Variants in USP33 observed in about 807,000 individuals in gnomAD.
USP33 encodes ubiquitin specific peptidase 33.
USP33 carries 46 observed loss-of-function variants against 124.2 expected under a neutral mutation model. The ratio of observed to expected loss-of-function variants is 0.37; its 90% CI spans 0.29 to 0.47. The LOEUF is 0.47. USP33 is among the 20% of genes least tolerant of loss of function. The pLI is 0.99. For missense variants in USP33, 851 were observed against 1,070.6 expected (o/e 0.79, Z 2.86); for synonymous variants, 350 against 352.3 (o/e 0.99, Z 0.07).
intron 20 of USP33, 82 bp downstream of exon 20, chr1:77,713,118 G>C (rs1675454385): frequency 9.2e-7 from 1 of 1,085,774 alleles, no homozygotes; most frequent in East Asian, 2.5e-5. Context: ...AGCACAAGGA[G>C]CATCTCTGAA....
intron 5 of USP33, among the ~76,000 whole-genome samples, chr1:77,738,844 CAAT>C (rs919363971): frequency 4.6e-5 from 7 of 151,974 alleles, no homozygotes; most frequent in African/African-American, 1.7e-4. Flanking sequence ...ACTTTGTTGT[CAAT>C]AATAAGTAAA....
intron 1 of USP33, among the ~76,000 whole-genome samples, chr1:77,757,470 G>A (rs935368013): frequency 2.0e-5 from 3 of 152,290 alleles, no homozygotes; most frequent in African/African-American, 7.2e-5. Context: ...ATAGTTAAAA[G>A]CAACTGTACT....
At chr1:77,734,448 T>C in intron 6 of USP33, 32 bp from the exon 7 acceptor site, 2 of 1,387,934 alleles carry the variant, frequency 1.4e-6, no homozygotes, top group Non-Finnish European at 2.0e-6. Flanking sequence ...GAAGTCATCA[T>C]TCAATAATGC....
intron 17 of USP33, among the ~76,000 whole-genome samples, chr1:77,716,135 TGCA>T (rs1389865260): frequency 6.6e-6 from 1 of 152,210 alleles, no homozygotes; most frequent in East Asian, 1.9e-4. Flanking sequence ...CACAGCTCAC[TGCA>T]GCCTCAAATT....
At chr1:77,711,647 A>C in intron 21 of USP33, 100 bp downstream of exon 21, 1 of 1,521,814 alleles carries the variant, frequency 6.6e-7, no homozygotes, top group East Asian at 2.3e-5. Context: ...AATCTATTAC[A>C]ACTCTTTCAT....
Position 77,729,913 on chromosome 1 carries a change from G to C in USP33, c.664C>G (p.Leu222Val), listed in dbSNP as rs370940477. The C allele has an allele frequency of 5.0e-6, 8 of 1,613,678 alleles. No homozygotes were observed. Among genetic ancestry groups the C allele is most frequent in the Non-Finnish European group, 6.8e-6 (8 of 1,179,876 alleles). ...TTTACAGTTTTAATTCCTTGAAACA[G>C]AGTAGTAGGCACAACAGATCCTGGC... ...SRPGSVVPTTLFQGIKTVNPT... is the reference protein window; with the variant it reads ...SRPGSVVPTTVFQGIKTVNPT... Residue 222 changes from leucine to valine, a missense_variant, in exon 9 of 24, where the codon CTG (leucine) becomes GTG (valine). Around this residue, in one of 4 missense-constraint regions of USP33, gnomAD observed 221 missense variants for 302.9 expected, o/e 0.73. Transcript: ENST00000370794.
At chr1:77,725,874 T>C in intron 10 of USP33, 112 bp from the exon 11 acceptor site, 2 of 1,063,644 alleles carry the variant, frequency 1.9e-6, no homozygotes, top group Admixed American at 3.0e-5. Flanking sequence ...TATTAACAAA[T>C]GTCAAGTTAA....
chr1:77,728,981 C>A (rs1397486153), intron 9 of USP33, among the ~76,000 whole-genome samples: 2 of 152,050 alleles, frequency 1.3e-5, no homozygotes, highest in African/African-American at 4.8e-5. Flanking sequence ...CTCACTGTAG[C>A]CTCGATCCCC....
At chr1:77,702,160 AAAAAAAAAAAAAAAAAAC>A (rs1489289271) in intron 21 of USP33, among the ~76,000 whole-genome samples, 4 of 140,704 alleles carry the variant, frequency 2.8e-5, no homozygotes, top group Non-Finnish European at 6.0e-5. Context: ...AAAAAAAAAA[AAAAAAAAAAAAAAAAAAC>A]CAGTGGTACA....
chr1:77,725,499 T>C (rs966021847), intron 11 of USP33, 123 bp downstream of exon 11: 2 of 1,344,530 alleles, frequency 1.5e-6, no homozygotes, highest in African/African-American at 3.0e-5. Flanking sequence ...TGTAAAATTA[T>C]GCTATCAATT....
intron 15 of USP33, chr1:77,720,190 A>AG (rs1676425966): frequency 2.0e-6 from 1 of 497,254 alleles, no homozygotes; most frequent in Non-Finnish European, 2.6e-6. Context: ...AAAAAAAAAA[A>AG]AAAACCTTTA....
intron 1 of USP33, among the ~76,000 whole-genome samples, chr1:77,755,593 G>A (rs919972842): frequency 2.6e-5 from 4 of 152,006 alleles, no homozygotes; most frequent in Non-Finnish European, 2.9e-5. Flanking sequence ...AGCTACTCCA[G>A]AGGCTGAGTG....
chr1:77,730,643 T>C lies in USP33; in HGVS notation c.613A>G (p.Met205Val). 1 of 1,595,654 alleles carries C rather than the reference T, an allele frequency of 6.3e-7. No homozygotes were observed. Among genetic ancestry groups the C allele is most frequent in the South Asian group, 1.1e-5 (1 of 87,672 alleles). ...PAICKSYLKLMTELWHKSRPG... is the reference protein window; with the variant it reads ...PAICKSYLKLVTELWHKSRPG... ...CTGCTTTTATGCCACAGCTCTGTCA[T>C]TAGTTTGAGATAACTTTTACAAATG... is the stretch of plus-strand genomic sequence containing the variant. Residue 205 changes from methionine to valine, a missense_variant, in exon 8 of 24, where the codon ATG becomes GTG. Physicochemically the swap from Met to Val is conservative, Grantham distance 21. This residue lies in a region of USP33 where 221 missense variants were observed against 302.9 expected (regional missense o/e 0.73). Coordinates refer to ENST00000370794, the MANE Select transcript of USP33 (RefSeq NM_201624.3).
chr1:77,719,524 C>T lies in USP33; in HGVS notation c.1692-883G>A, dbSNP rs1676312950. Among the ~76,000 whole-genome samples the T allele has an allele frequency of 2.6e-5, 4 of 151,980 alleles. No homozygotes were observed. In the South Asian group the frequency reaches 8.3e-4, roughly 31 times the overall value. On this transcript the variant is annotated intron_variant, in intron 15 of 23. Coordinates refer to ENST00000370794, the MANE Select transcript of USP33 (RefSeq NM_201624.3). ...TTAAGTAAAACCAGATAAAGCAAAACCTCAGTTTTATAAAATTTGTAGTTC... is the reference window on the plus strand; with the variant it reads ...TTAAGTAAAACCAGATAAAGCAAAATCTCAGTTTTATAAAATTTGTAGTTC...
chr1:77,754,137 G>A (rs542091419), intron 1 of USP33, among the ~76,000 whole-genome samples: 1 of 152,250 alleles, frequency 6.6e-6, no homozygotes, highest in South Asian at 2.1e-4. Flanking sequence ...CACAGAGGTT[G>A]GGTAACTGTC....
At chr1:77,743,267 T>C (rs1266273479) in intron 1 of USP33, among the ~76,000 whole-genome samples, 1 of 152,118 alleles carries the variant, frequency 6.6e-6, no homozygotes, top group Non-Finnish European at 1.5e-5. Context: ...TTAAACCCAT[T>C]GCAATAAATT....
At chr1:77,718,526 T>C (rs1366239542) in intron 16 of USP33, 70 bp downstream of exon 16, 1 of 1,194,128 alleles carries the variant, frequency 8.4e-7, no homozygotes, top group African/African-American at 1.5e-5. Flanking sequence ...AATTTATTAC[T>C]ACATTTTGTT....
rs1250877803 is a variant in USP33, at chr1:77,703,354, G to A, written c.2407-1883C>T. On this transcript the variant is annotated intron_variant, in intron 21 of 23. Coordinates refer to ENST00000370794, the MANE Select transcript of USP33 (RefSeq NM_201624.3). ...TTTAAAACTCCAACCTGGGCCAGGC[G>A]CAGTGGCTCACGCCTGTAATCCCAG... is the stretch of plus-strand genomic sequence containing the variant. Among the ~76,000 whole-genome samples, 5 of 152,206 alleles carry A rather than the reference G, an allele frequency of 3.3e-5. No homozygotes were observed. The East Asian group carries it at 5.8e-4, about 18-fold the overall frequency.
At chr1:77,730,295 A>G (rs1677657862) in intron 8 of USP33, among the ~76,000 whole-genome samples, 2 of 152,238 alleles carry the variant, frequency 1.3e-5, no homozygotes, top group South Asian at 4.1e-4. Flanking sequence ...ATATTCATAT[A>G]GTATTTAGGG....
Sources: allele counts gnomAD v4.1 joint callset (sites outside exome capture counted in the v4.1 genomes callset), GRCh38; gene constraint gnomAD v4.1.1; regional missense constraint gnomAD v4.1.1; transcripts MANE v1.5; gene names NCBI Gene and HGNC (gene_info 2026-07-23, HGNC 2026-07-21).